Variants in CSMD1 observed in about 807,000 individuals in gnomAD.
CSMD1 encodes CUB and sushi domain-containing protein 1.
CSMD1 carries 213 observed loss-of-function variants against 417.5 expected under a neutral mutation model. The observed-to-expected ratio is 0.51, with a 90% confidence interval of 0.46 to 0.57. The LOEUF is 0.57. Among genes scored for constraint, CSMD1 ranks in the 20% least tolerant of loss-of-function variants. The pLI, the probability that CSMD1 is intolerant of heterozygous loss-of-function variation, is 0.00. For missense variants in CSMD1, 6,923 were observed against 4,529.7 expected (o/e 1.53, Z -15.17); for synonymous variants, 2,862 against 1,736.8 (o/e 1.65, Z -16.11).
At chr8:3,834,615 T>G (rs1459990486) in intron 5 of CSMD1, among the ~76,000 whole-genome samples, 4 of 152,180 alleles carry the variant, frequency 2.6e-5, no homozygotes, top group African/African-American at 9.6e-5. Flanking sequence ...GGTAATACGT[T>G]TCAGAGAGTT....
At chr8:4,577,210 A>T (rs558977110) in intron 2 of CSMD1, among the ~76,000 whole-genome samples, 25 of 152,272 alleles carry the variant, frequency 1.6e-4, no homozygotes, top group African/African-American at 5.8e-4. Flanking sequence ...AATGTATCAA[A>T]ATCAAATATA....
At chr8:4,805,144 G>A (rs1313758431) in intron 1 of CSMD1, among the ~76,000 whole-genome samples, 3 of 152,128 alleles carry the variant, frequency 2.0e-5, no homozygotes, top group East Asian at 1.9e-4. Context: ...CTGCAGGGAC[G>A]ATGTTTTTTC....
At chr8:3,751,440 T>C (rs866946374) in intron 6 of CSMD1, among the ~76,000 whole-genome samples, 21 of 148,190 alleles carry the variant, frequency 1.4e-4, no homozygotes, top group Non-Finnish European at 2.7e-4. Context: ...ATACAGTTTA[T>C]ACATATAAAT....
At chr8:4,841,720 G>T (rs1800844768) in intron 1 of CSMD1, among the ~76,000 whole-genome samples, 1 of 151,938 alleles carries the variant, frequency 6.6e-6, no homozygotes, top group Non-Finnish European at 1.5e-5. Flanking sequence ...AGACAAGCCT[G>T]ACCAACATGG....
chr8:4,144,787 T>G lies in CSMD1; in HGVS notation c.416-112688A>C, dbSNP rs774526343. 2.0e-5 allele frequency among the ~76,000 whole-genome samples: 3 copies of G among 150,962 alleles called. 1 individual carries two copies. Among genetic ancestry groups the G allele is most frequent in the African/African-American group, 7.4e-5 (3 of 40,318 alleles). On this transcript the variant is annotated intron_variant, in intron 3 of 69. Transcript: ENST00000635120. ...GAACAGGAATGATGGATTTACCAGGTTGTCAGTAAGAGTTGCATCACCAAA... is the reference window on the plus strand; with the variant it reads ...GAACAGGAATGATGGATTTACCAGGGTGTCAGTAAGAGTTGCATCACCAAA...
chr8:3,345,924 G>A (rs1283396544), intron 22 of CSMD1, among the ~76,000 whole-genome samples: 1 of 152,114 alleles, frequency 6.6e-6, no homozygotes, highest in African/African-American at 2.4e-5. Flanking sequence ...CTGAGAGCTC[G>A]ATATCTCTTA....
chr8:3,980,807 GCCAACCAC>G (rs1478010669), intron 5 of CSMD1, among the ~76,000 whole-genome samples: 15 of 152,186 alleles, frequency 9.9e-5, no homozygotes, highest in African/African-American at 3.6e-4. Context: ...ATACCCCTTG[GCCAACCAC>G]TAATGTCCCC....
At chr8:4,636,194 G>A (rs905913153) in intron 2 of CSMD1, among the ~76,000 whole-genome samples, 1 of 151,956 alleles carries the variant, frequency 6.6e-6, no homozygotes, top group Admixed American at 6.6e-5. Context: ...ATCTATATAA[G>A]TTAATTTTGT....
intron 54 of CSMD1, among the ~76,000 whole-genome samples, chr8:2,985,443 T>C (rs1585095848): frequency 6.6e-6 from 1 of 152,204 alleles, no homozygotes; most frequent in Non-Finnish European, 1.5e-5. Flanking sequence ...GCTACACTGT[T>C]TCACCACGTG....
intron 3 of CSMD1, among the ~76,000 whole-genome samples, chr8:4,319,279 T>G (rs938985818): frequency 2.0e-5 from 3 of 152,170 alleles, no homozygotes; most frequent in African/African-American, 7.2e-5. Flanking sequence ...CTTAGTAATG[T>G]CCTTTCCTTG....
At chr8:4,827,557 G>T (rs1166228027) in intron 1 of CSMD1, among the ~76,000 whole-genome samples, 1 of 152,010 alleles carries the variant, frequency 6.6e-6, no homozygotes, top group African/African-American at 2.4e-5. Context: ...TTCAAACAAG[G>T]CTTTGTTTAT....
intron 1 of CSMD1, among the ~76,000 whole-genome samples, chr8:4,698,647 G>T (rs561065696): frequency 6.7e-6 from 1 of 150,024 alleles, no homozygotes; most frequent in South Asian, 2.1e-4. Context: ...AGGCAAGAAG[G>T]AAGGGAGAAG....
intron 11 of CSMD1, among the ~76,000 whole-genome samples, chr8:3,473,711 A>G (rs964577946): frequency 6.6e-6 from 1 of 152,210 alleles, no homozygotes; most frequent in South Asian, 2.1e-4. Context: ...TATAACAATG[A>G]TGAAGAAGAT....
At chr8:4,057,106 G>A (rs1005854836) in intron 3 of CSMD1, among the ~76,000 whole-genome samples, 17 of 152,276 alleles carry the variant, frequency 1.1e-4, no homozygotes, top group African/African-American at 2.9e-4. Flanking sequence ...CTGAGGAATC[G>A]CCACACTGAC....
intron 10 of CSMD1, among the ~76,000 whole-genome samples, chr8:3,542,349 T>C (rs569458782): frequency 2.0e-5 from 3 of 152,306 alleles, no homozygotes; most frequent in Non-Finnish European, 4.4e-5. Context: ...AATCTTCAAT[T>C]CTGAAGATAG....
chr8:4,386,037 A>G (rs889673476), intron 3 of CSMD1, among the ~76,000 whole-genome samples: 12 of 152,062 alleles, frequency 7.9e-5, no homozygotes, highest in African/African-American at 2.9e-4. Flanking sequence ...CGATTTCTCC[A>G]GTCTGTGCCA....
intron 5 of CSMD1, among the ~76,000 whole-genome samples, chr8:3,890,846 G>C (rs1319399689): frequency 2.0e-5 from 3 of 152,060 alleles, no homozygotes; most frequent in African/African-American, 4.8e-5. Context: ...CTCATACTCA[G>C]TAAGTATATA....
chr8:4,307,180 A>G (rs1171653110), intron 3 of CSMD1, among the ~76,000 whole-genome samples: 6 of 152,086 alleles, frequency 3.9e-5, no homozygotes, highest in Non-Finnish European at 5.9e-5. Context: ...GCTCCATTTA[A>G]TACTGTATCA....
chr8:4,004,353 A>G (rs1374440140), intron 4 of CSMD1, among the ~76,000 whole-genome samples: 1 of 151,986 alleles, frequency 6.6e-6, no homozygotes, highest in African/African-American at 2.4e-5. Context: ...GTATATCCAC[A>G]AACAATATAT....
Sources: gnomAD v4.1 joint callset for allele counts (sites outside exome capture counted in the v4.1 genomes callset) on GRCh38, gnomAD v4.1.1 for gene constraint, MANE v1.5 for transcripts, NCBI Gene and HGNC (gene_info 2026-07-23, HGNC 2026-07-21) for gene names.